The following ZNF516 variants were observed in gnomAD, a reference collection of about 807,000 sequenced individuals.
ZNF516 encodes the protein zinc finger protein 516.
ZNF516 carries 19 observed loss-of-function variants against 79.7 expected under a neutral mutation model. That is an observed-to-expected ratio of 0.24 (90% CI 0.17 to 0.35). The LOEUF is 0.35. Ranked by LOEUF, ZNF516 falls within the 10% of genes least tolerant of loss-of-function variation. The probability of loss-of-function intolerance (pLI) is 1.00; values close to 1 mark genes in which losing one functional copy is unlikely to be tolerated. For missense variants in ZNF516, 1,678 were observed against 1,679.5 expected, an observed-to-expected ratio of 1.00 and a Z score of 0.02; for synonymous variants, 877 against 739.5, an observed-to-expected ratio of 1.19 and a Z score of -3.02.
chr18:76,410,482 G>C (rs1336454452), intron 3 of ZNF516, among the ~76,000 whole-genome samples: 2 of 152,100 alleles, frequency 1.3e-5, no homozygotes, highest in African/African-American at 2.4e-5. Context: ...GCCTCGAACA[G>C]GTCCCGAAGC....
chr18:76,379,586 C>A lies in ZNF516; in HGVS notation c.2528G>T (p.Gly843Val). 1.9e-6 allele frequency: 3 copies of A among 1,613,646 alleles called. No homozygotes were observed. Among genetic ancestry groups the A allele is most frequent in the Non-Finnish European group, 2.5e-6 (3 of 1,179,902 alleles). Residue 843 changes from glycine (G) to valine (V), a missense_variant, in exon 4 of 7, where the codon GGG becomes GTG. By Grantham distance (109) the Gly-to-Val change is moderately radical. Transcript: ENST00000443185. ...ARFTRTQVPG[G>V]MPGSKSGSSP... ...AGAGCCACTTTTGGACCCCGGCATC[C>A]CCCCTGGCACCTGAGTGCGGGTGAA...
At chr18:76,407,152 A>G (rs1347864785) in intron 3 of ZNF516, among the ~76,000 whole-genome samples, 4 of 152,104 alleles carry the variant, frequency 2.6e-5, no homozygotes, top group African/African-American at 7.2e-5. Context: ...GGTGGCTGAC[A>G]CCTATCATCT....
chr18:76,384,852 T>C (rs1234948534), intron 3 of ZNF516, among the ~76,000 whole-genome samples: 1 of 152,092 alleles, frequency 6.6e-6, no homozygotes, highest in Non-Finnish European at 1.5e-5. Flanking sequence ...GGCACTTTAT[T>C]AGAATTGAAG....
intron 3 of ZNF516, among the ~76,000 whole-genome samples, chr18:76,431,543 T>C (rs989053858): frequency 4.6e-5 from 7 of 152,176 alleles, no homozygotes; most frequent in African/African-American, 1.7e-4. Context: ...TGCGACCGAT[T>C]CCCTTTGTTG....
At chr18:76,473,109 G>A (rs765506783) in intron 1 of ZNF516, among the ~76,000 whole-genome samples, 10 of 152,076 alleles carry the variant, frequency 6.6e-5, no homozygotes, top group Non-Finnish European at 1.3e-4. Context: ...ACTAGTGGAA[G>A]CAAAAGCATT....
upstream of ZNF516, among the ~76,000 whole-genome samples, chr18:76,496,050 A>T (rs1915468102): frequency 1.3e-5 from 2 of 152,028 alleles, no homozygotes; most frequent in South Asian, 4.2e-4. Flanking sequence ...CCCCACGAGC[A>T]GTAGTTAGTT....
intron 3 of ZNF516, among the ~76,000 whole-genome samples, chr18:76,433,486 T>C (rs1341173615): frequency 6.6e-6 from 1 of 152,144 alleles, no homozygotes; most frequent in African/African-American, 2.4e-5. Flanking sequence ...CAGGGAGGAA[T>C]GGGGCCAGCC....
intron 3 of ZNF516, among the ~76,000 whole-genome samples, chr18:76,409,529 T>C (rs2075346313): frequency 6.6e-6 from 1 of 152,196 alleles, no homozygotes; most frequent in East Asian, 1.9e-4. Flanking sequence ...TACATTTCAT[T>C]GAACTAGAGA....
At chr18:76,492,728 A>G (rs1357170678) in intron 1 of ZNF516, 2 of 985,390 alleles carry the variant, frequency 2.0e-6, no homozygotes, top group Non-Finnish European at 2.4e-6. Context: ...AAACAATCAC[A>G]GCCCTCCTCT....
At position 76,379,170 on chromosome 18, in the gene ZNF516, G is replaced by A. The variant is rs1228721377; in HGVS notation, c.2944C>T (p.Pro982Ser). 1.9e-6 allele frequency: 3 copies of A among 1,612,922 alleles called. No homozygotes were observed. The South Asian group carries it at 3.3e-5, about 18-fold the overall frequency. The change falls in exon 4 of 7, where the codon CCT becomes TCT. Residue 982 changes from proline to serine, a missense_variant. Pro to Ser is a moderately conservative substitution (Grantham distance 74, BLOSUM62 -1). This residue lies in a region of ZNF516 where 1,294 missense variants were observed against 1,248.3 expected (regional missense o/e 1.04). Transcript: ENST00000443185. ...DSLKAKFSAQ[P>S]QGPPPAKGEG... is the part of the protein sequence containing the mutation. ...CCCTTTGCAGGAGGTGGACCCTGAG[G>A]CTGAGCACTGAATTTGGCTTTCAGG...
chr18:76,401,874 A>ACCAACCACACCCCCG (rs1568262017), intron 3 of ZNF516, among the ~76,000 whole-genome samples: 2 of 148,010 alleles, frequency 1.4e-5, no homozygotes, highest in African/African-American at 2.5e-5. Flanking sequence ...CCCCTCCACT[A>ACCAACCACACCCCCG]CTGTTTATAG....
chr18:76,386,928 A>G (rs1392134804), intron 3 of ZNF516: 2 of 152,192 alleles, frequency 1.3e-5, no homozygotes, highest in Non-Finnish European at 2.9e-5. Flanking sequence ...TCCTTCCCAC[A>G]GGAAAAAACC....
At chr18:76,495,735 G>A (rs776546571), upstream of ZNF516, 2 of 1,175,978 alleles carry the variant, frequency 1.7e-6, no homozygotes, top group Non-Finnish European at 2.1e-6. Flanking sequence ...CGGGTACCTG[G>A]GCACTGCGCC....
intron 2 of ZNF516, among the ~76,000 whole-genome samples, chr18:76,461,337 C>A (rs74739102): frequency 0.022 from 3,317 of 152,302 alleles, 130 homozygotes; most frequent in African/African-American, 0.076. Context: ...TCACCATGGC[C>A]GCAACAGGCA....
At position 76,493,886 on chromosome 18, in the gene ZNF516, TTAAA is replaced by T. The variant is rs1259388991; in HGVS notation, c.-272+1254_-272+1257del. 6.6e-6 allele frequency: 1 copy of T among 152,222 alleles called. No homozygotes were observed. Among genetic ancestry groups the T allele is most frequent in the African/African-American group, 2.4e-5 (1 of 41,432 alleles). 9.4% of individuals were successfully genotyped at this position (152,222 alleles called of 1,614,324 possible). On this transcript the variant is annotated intron_variant, in intron 1 of 6. Coordinates refer to ENST00000443185, the MANE Select transcript of ZNF516 (RefSeq NM_014643.4). This position sits in a 1 kb window ranked among gnomAD's most constrained non-coding sequence, Gnocchi z 5.2. ...GCAAATGGCTTTTTGTGCATCTGGA[TTAAA>T]TAAAGCACAGAATGAATATATTTAA... is the stretch of plus-strand genomic sequence containing the variant.
In ZNF516 at chr18:76,380,117, T is replaced by G. The variant is rs1265246832; in HGVS notation, c.1997A>C (p.Gln666Pro). ...CTTTAAGTCCATAGAAAATCTGTGCTGCTCTTGCCTTCTAGAAGTCTCTCT... is the reference window on the plus strand; with the variant it reads ...CTTTAAGTCCATAGAAAATCTGTGCGGCTCTTGCCTTCTAGAAGTCTCTCT... ...SSRETSRRQE[Q>P]HRFSMDLKMP... is the part of the protein sequence containing the mutation. The change falls in exon 4 of 7, where the codon CAG becomes CCG. Residue 666 changes from glutamine (Q) to proline (P), a missense_variant. By Grantham distance (76) the Gln-to-Pro change is moderately conservative. Transcript: ENST00000443185. The G allele has an allele frequency of 2.5e-6, 4 of 1,613,970 alleles. No individual in the cohort carries two copies. Among genetic ancestry groups the G allele is most frequent in the Non-Finnish European group, 3.4e-6 (4 of 1,179,884 alleles).
At chr18:76,452,096 A>G (rs1912448251) in intron 2 of ZNF516, among the ~76,000 whole-genome samples, 1 of 152,220 alleles carries the variant, frequency 6.6e-6, no homozygotes, top group Non-Finnish European at 1.5e-5. Context: ...AATCGGCAGC[A>G]TTCACAAGAA....
rs1329162205 is a variant in ZNF516, at chr18:76,442,348, A to G, written c.707T>C (p.Val236Ala). ...GCTCAGCTCGGGCTTGCCGTTCTCCACGCAGGCCTCGCCGCTGCCGGGCCC... is the reference window on the plus strand; with the variant it reads ...GCTCAGCTCGGGCTTGCCGTTCTCCGCGCAGGCCTCGCCGCTGCCGGGCCC... ...AQGPGSGEAC[V>A]ENGKPELSPG... The change falls in exon 3 of 7, where the codon GTG becomes GCG. Residue 236 changes from valine (V) to alanine (A), a missense_variant. Val to Ala is a moderately conservative substitution (Grantham distance 64). This residue lies in a region of ZNF516 where 279 missense variants were observed against 254.1 expected (regional missense o/e 1.10). Coordinates refer to ENST00000443185, the MANE Select transcript of ZNF516 (RefSeq NM_014643.4). The G allele has an allele frequency of 1.2e-6, 2 of 1,610,168 alleles. No individual in the cohort carries two copies. Among genetic ancestry groups the G allele is most frequent in the African/African-American group, 2.7e-5 (2 of 74,888 alleles).
intron 3 of ZNF516, among the ~76,000 whole-genome samples, chr18:76,400,108 G>C (rs564079501): frequency 1.2e-3 from 187 of 152,244 alleles, no homozygotes; most frequent in African/African-American, 4.3e-3. Context: ...TCAGGCAGGA[G>C]GGTGTGAAAG....
Sources: allele counts gnomAD v4.1 joint callset (sites outside exome capture counted in the v4.1 genomes callset), GRCh38; gene constraint gnomAD v4.1.1; regional missense constraint gnomAD v4.1.1; non-coding constraint Gnocchi (gnomAD v3.1); transcripts MANE v1.5; gene names NCBI Gene and HGNC (gene_info 2026-07-23, HGNC 2026-07-21).